RGS22: variants seen among roughly 807,000 people sequenced by gnomAD.
RGS22 encodes the protein regulator of G protein signaling 22.
Under a neutral mutation model 172.9 loss-of-function variants are expected in RGS22, and 148 were observed. The observed-to-expected ratio is 0.86, with a 90% CI of 0.75 to 0.98. RGS22 has a LOEUF of 0.98. RGS22 is among the 50% of genes least tolerant of loss of function. The probability of loss-of-function intolerance (pLI) is 0.00; values close to 1 mark genes in which losing one functional copy is unlikely to be tolerated. For synonymous variants in RGS22, 458 were observed against 480.2 expected (o/e 0.95, Z 0.60); for missense variants, 1,347 against 1,440.8 (o/e 0.93, Z 1.05).
intron 15 of RGS22, among the ~76,000 whole-genome samples, chr8:100,007,146 T>A (rs1228389539): frequency 1.3e-5 from 2 of 152,204 alleles, no homozygotes; most frequent in Non-Finnish European, 2.9e-5. Context: ...GTTGTTTCAG[T>A]CACGATCCAA....
chr8:100,076,415 T>G (rs527481533), intron 4 of RGS22, among the ~76,000 whole-genome samples: 2 of 152,288 alleles, frequency 1.3e-5, no homozygotes, highest in East Asian at 3.9e-4. Flanking sequence ...AAGTTGTAGG[T>G]TTTTATTTTC....
intron 22 of RGS22, among the ~76,000 whole-genome samples, chr8:99,980,310 T>G (rs943988144): frequency 2.6e-5 from 4 of 152,128 alleles, no homozygotes; most frequent in African/African-American, 9.7e-5. Context: ...CTGCCCTGAG[T>G]TGGATGGTTT....
intron 20 of RGS22, among the ~76,000 whole-genome samples, chr8:99,990,530 G>A (rs1429398070): frequency 3.3e-5 from 5 of 152,132 alleles, no homozygotes; most frequent in Admixed American, 6.5e-5. Context: ...GCAACGTGGG[G>A]GCTCTTGAAG....
intron 23 of RGS22, among the ~76,000 whole-genome samples, chr8:99,974,165 G>C (rs1489409183): frequency 2.0e-5 from 3 of 152,092 alleles, no homozygotes; most frequent in African/African-American, 7.2e-5. Flanking sequence ...TTGCATGAGA[G>C]AGTAATTTGT....
intron 19 of RGS22, among the ~76,000 whole-genome samples, chr8:99,997,486 T>C (rs572564654): frequency 6.6e-6 from 1 of 152,360 alleles, no homozygotes; most frequent in South Asian, 2.1e-4. Context: ...ATCCTTCTTC[T>C]TCATACTATA....
chr8:100,049,294 A>G (rs1337924665), intron 10 of RGS22, among the ~76,000 whole-genome samples: 1 of 152,208 alleles, frequency 6.6e-6, no homozygotes, highest in Non-Finnish European at 1.5e-5. Context: ...TTTGCTGTAT[A>G]TAAGTTATAC....
In RGS22 at chr8:100,002,282, T is replaced by C. The variant is rs1427689851; in HGVS notation, c.2710A>G (p.Ile904Val). Reference protein sequence around the residue: ...RDRNQRKAKSIYIKNKYLNKK... With the variant: ...RDRNQRKAKSVYIKNKYLNKK... ...TTAAGGTATTTGTTTTTAATGTATA[T>C]AGATTTTGCCTTCCTTTGATTTCGA... Residue 904 changes from isoleucine to valine, a missense_variant, in exon 18 of 28, where the codon ATA becomes GTA. Coordinates refer to ENST00000360863, the MANE Select transcript of RGS22 (RefSeq NM_015668.5). 8 of 1,611,988 alleles carry C rather than the reference T, an allele frequency of 5.0e-6. No individual in the cohort carries two copies. The highest frequency in any genetic ancestry group is 2.2e-5 in the East Asian group (1 of 44,776).
At chr8:100,005,688 G>T (rs563163134) in intron 16 of RGS22, among the ~76,000 whole-genome samples, 18 of 152,178 alleles carry the variant, frequency 1.2e-4, no homozygotes, top group African/African-American at 4.3e-4. Flanking sequence ...ACAACAAATA[G>T]AAAGAGCAGC....
At chr8:100,065,759 ATGT>A (rs1475637188) in intron 7 of RGS22, among the ~76,000 whole-genome samples, 7 of 152,184 alleles carry the variant, frequency 4.6e-5, no homozygotes, top group Non-Finnish European at 7.3e-5. Context: ...GAAGGGAAAA[ATGT>A]TGTACCCACT....
At chr8:100,001,440 G>C (rs1227617494) in intron 18 of RGS22, among the ~76,000 whole-genome samples, 1 of 151,562 alleles carries the variant, frequency 6.6e-6, no homozygotes, top group Non-Finnish European at 1.5e-5. Context: ...TTTCACCATG[G>C]CCAGGCTGGT....
intron 18 of RGS22, among the ~76,000 whole-genome samples, chr8:100,001,801 A>C (rs1005724220): frequency 3.3e-5 from 5 of 152,170 alleles, no homozygotes; most frequent in African/African-American, 1.2e-4. Flanking sequence ...AAAGTAGTAG[A>C]GATTTAGCTT....
intron 2 of RGS22, among the ~76,000 whole-genome samples, chr8:100,097,893 C>T (rs1813108298): frequency 6.6e-6 from 1 of 152,162 alleles, no homozygotes; most frequent in African/African-American, 2.4e-5. Context: ...CCATTGTTCC[C>T]CCAATCTCCA....
rs1336948269 is a variant in RGS22, at chr8:100,081,421, TCTGA to T, written c.118-1070_118-1067del. ...GTCTCATAATATCACATCTCTAAGG[TCTGA>T]CTGTCTCCCCTTCTGAGGAATTTAA... On this transcript the variant is annotated intron_variant, in intron 3 of 27. Transcript: ENST00000360863. 7.3e-5 allele frequency among the ~76,000 whole-genome samples: 11 copies of T among 150,572 alleles called. No homozygotes were observed. In the East Asian group the frequency reaches 1.7e-3, roughly 24 times the overall value.
At chr8:100,053,368 G>C (rs952153411) in intron 9 of RGS22, among the ~76,000 whole-genome samples, 21 of 149,878 alleles carry the variant, frequency 1.4e-4, no homozygotes, top group Admixed American at 3.4e-4. Flanking sequence ...GTTGCAGTGA[G>C]CCCAGATTGT....
intron 14 of RGS22, among the ~76,000 whole-genome samples, chr8:100,009,793 G>A (rs1454657357): frequency 3.3e-5 from 5 of 152,090 alleles, no homozygotes; most frequent in African/African-American, 1.2e-4. Context: ...AAGACTTAAA[G>A]GGTCCATGTT....
At chr8:100,011,435 A>G (rs1816373788) in intron 14 of RGS22, among the ~76,000 whole-genome samples, 1 of 152,178 alleles carries the variant, frequency 6.6e-6, no homozygotes, top group Non-Finnish European at 1.5e-5. Context: ...CTTACAGTCT[A>G]TTCTTACCAC....
At chr8:100,049,463 A>T (rs750370483) in intron 10 of RGS22, among the ~76,000 whole-genome samples, 5 of 152,212 alleles carry the variant, frequency 3.3e-5, no homozygotes, top group Non-Finnish European at 7.3e-5. Flanking sequence ...TGAAAACAAC[A>T]GATGAGAAGT....
intron 9 of RGS22, among the ~76,000 whole-genome samples, chr8:100,058,478 G>A (rs1397285920): frequency 6.6e-6 from 1 of 152,018 alleles, no homozygotes. Flanking sequence ...CAATATACAG[G>A]GAGCTCTAAT....
chr8:100,010,113 T>C (rs1350836182), intron 14 of RGS22, among the ~76,000 whole-genome samples: 2 of 152,188 alleles, frequency 1.3e-5, no homozygotes, highest in Non-Finnish European at 2.9e-5. Flanking sequence ...TTTCATACCA[T>C]TGCACATATT....
Sources: gnomAD v4.1 joint callset for allele counts (sites outside exome capture counted in the v4.1 genomes callset) on GRCh38, gnomAD v4.1.1 for gene constraint, MANE v1.5 for transcripts, NCBI Gene and HGNC (gene_info 2026-07-23, HGNC 2026-07-21) for gene names.